Variants in KCNH5 observed in about 807,000 individuals in gnomAD.
KCNH5 encodes voltage-gated delayed rectifier potassium channel KCNH5.
In KCNH5, 46 loss-of-function variants were observed where a neutral mutation model predicts 96.1. That is an observed-to-expected ratio of 0.48 (90% CI 0.38 to 0.61). KCNH5 has a LOEUF of 0.61. Among genes scored for constraint, KCNH5 ranks in the 20% least tolerant of loss-of-function variants. The pLI is 0.00. For missense variants in KCNH5, 907 were observed against 1,225.8 expected (o/e 0.74, Z 3.88); for synonymous variants, 439 against 449.8 (o/e 0.98, Z 0.30).
intron 8 of KCNH5, among the ~76,000 whole-genome samples, chr14:62,814,594 C>A (rs1886936283): frequency 1.3e-5 from 2 of 151,630 alleles, no homozygotes; most frequent in Admixed American, 1.3e-4. Flanking sequence ...ACCAGCCTGG[C>A]CAACATGGCA....
intron 7 of KCNH5, among the ~76,000 whole-genome samples, chr14:62,868,516 G>C (rs1052670462): frequency 1.3e-5 from 2 of 152,036 alleles, no homozygotes; most frequent in African/African-American, 4.8e-5. Flanking sequence ...TTCTGTTTCT[G>C]AGCAATTATC....
At chr14:62,995,141 T>C (rs1011352923) in intron 4 of KCNH5, among the ~76,000 whole-genome samples, 10 of 152,126 alleles carry the variant, frequency 6.6e-5, no homozygotes, top group Middle Eastern at 3.4e-3. Context: ...AGTCTTTCAA[T>C]CATATGTCTA....
At chr14:62,979,194 G>A (rs1890559254) in intron 6 of KCNH5, among the ~76,000 whole-genome samples, 1 of 151,962 alleles carries the variant, frequency 6.6e-6, no homozygotes, top group Admixed American at 6.6e-5. Context: ...GTAATAATCT[G>A]TGTAGTGTGC....
At position 63,045,235 on chromosome 14, in the gene KCNH5, A is replaced by G. The variant is rs998486016; in HGVS notation, c.-49T>C. The G allele has an allele frequency of 7.2e-7, 1 of 1,389,448 alleles. No individual in the cohort carries two copies. The allele number at this position is 1,389,448 out of a possible 1,614,324, so 86.1% of individuals were successfully genotyped here. A position where few individuals can be genotyped will look rare whatever the true frequency, so the allele number is the denominator to read the frequency against. On this transcript the variant is annotated 5_prime_UTR_variant, in exon 1 of 11. Transcript: ENST00000322893. ...AGGATCCGCGGCGGGGGAGGGGGGG[A>G]TGCAGGCAAAGAAGGTGGAGGAAGA...
intron 7 of KCNH5, among the ~76,000 whole-genome samples, chr14:62,857,615 T>A (rs1388702401): frequency 2.0e-5 from 3 of 152,146 alleles, no homozygotes; most frequent in Non-Finnish European, 1.5e-5. Context: ...GCAGGAAGCA[T>A]CCATCATGGG....
At chr14:63,034,162 C>T (rs532533696) in intron 1 of KCNH5, among the ~76,000 whole-genome samples, 2 of 152,276 alleles carry the variant, frequency 1.3e-5, no homozygotes, top group East Asian at 3.9e-4. Flanking sequence ...TCGTGATCCG[C>T]CTGCCTCGGC....
intron 8 of KCNH5, among the ~76,000 whole-genome samples, chr14:62,840,937 C>T (rs113763703): frequency 2.6e-5 from 4 of 152,226 alleles, no homozygotes; most frequent in African/African-American, 9.6e-5. Flanking sequence ...CAACCTGTTG[C>T]TGCCTTCTGC....
chr14:63,011,929 T>C (rs1346095447), intron 2 of KCNH5, among the ~76,000 whole-genome samples: 3 of 152,168 alleles, frequency 2.0e-5, no homozygotes, highest in Admixed American at 6.5e-5. Context: ...GGATAAGGGA[T>C]TGTAAATGGT....
chr14:62,932,470 G>C (rs1260148088), intron 7 of KCNH5, among the ~76,000 whole-genome samples: 8 of 137,666 alleles, frequency 5.8e-5, no homozygotes, highest in African/African-American at 2.2e-4. Flanking sequence ...CTGTAGAAAT[G>C]AGATTAAAAA....
intron 5 of KCNH5, among the ~76,000 whole-genome samples, chr14:62,984,066 T>C (rs1483387809): frequency 6.6e-6 from 1 of 152,224 alleles, no homozygotes; most frequent in Non-Finnish European, 1.5e-5. Flanking sequence ...ATCTTCACTC[T>C]GTTCCTGGGC....
chr14:62,707,311 T>C lies in KCNH5; in HGVS notation c.*197A>G. 2 of 324,492 alleles carry C rather than the reference T, an allele frequency of 6.2e-6. No individual in the cohort carries two copies. The highest frequency in any genetic ancestry group is 1.1e-5 in the Non-Finnish European group (2 of 183,580). 20.1% of individuals were successfully genotyped at this position (324,492 alleles called of 1,614,324 possible). A position where few individuals can be genotyped will look rare whatever the true frequency, so the allele number is the denominator to read the frequency against. ...TGTGCATGCAGTCAACTGCATAATA[T>C]ACAAGCAATATCTATGTTTTTAATC... is the stretch of plus-strand genomic sequence containing the variant. On this transcript the variant is annotated 3_prime_UTR_variant, in exon 11 of 11. Transcript: ENST00000322893.
intron 10 of KCNH5, among the ~76,000 whole-genome samples, chr14:62,735,053 C>T (rs7154700): frequency 0.064 from 9,715 of 152,044 alleles, 855 homozygotes; most frequent in African/African-American, 0.19. Context: ...GATATATATG[C>T]CTTAAAATGG....
At chr14:62,752,417 G>T (rs1885521988) in intron 10 of KCNH5, among the ~76,000 whole-genome samples, 1 of 151,982 alleles carries the variant, frequency 6.6e-6, no homozygotes, top group African/African-American at 2.4e-5. Flanking sequence ...GTCCCAGATT[G>T]CAGGCTTTGG....
chr14:62,776,187 A>C, intron 10 of KCNH5, among the ~76,000 whole-genome samples: 1 of 152,040 alleles, frequency 6.6e-6, no homozygotes, highest in East Asian at 1.9e-4. Context: ...GAATCACTTG[A>C]ACCCAGGAGG....
intron 10 of KCNH5, among the ~76,000 whole-genome samples, chr14:62,727,564 T>G (rs1367409821): frequency 6.6e-6 from 1 of 152,138 alleles, no homozygotes; most frequent in African/African-American, 2.4e-5. Context: ...TGAGGTATAT[T>G]TTCATAAGAA....
intron 8 of KCNH5, among the ~76,000 whole-genome samples, chr14:62,820,165 G>C (rs896021343): frequency 1.3e-5 from 2 of 152,060 alleles, no homozygotes; most frequent in African/African-American, 4.8e-5. Flanking sequence ...AGCTCTGAGG[G>C]GGGTATATAA....
At chr14:62,736,473 T>A (rs545547776) in intron 10 of KCNH5, among the ~76,000 whole-genome samples, 1 of 150,940 alleles carries the variant, frequency 6.6e-6, no homozygotes, top group East Asian at 2.0e-4. Flanking sequence ...AAACCACAAA[T>A]AACATCTCCA....
intron 10 of KCNH5, among the ~76,000 whole-genome samples, chr14:62,773,253 A>C (rs958288837): frequency 3.3e-5 from 5 of 152,352 alleles, no homozygotes; most frequent in Admixed American, 3.3e-4. Context: ...TCATCTCTAA[A>C]GAAAATAAAA....
At chr14:62,964,130 C>T (rs1890262450) in intron 6 of KCNH5, among the ~76,000 whole-genome samples, 2 of 152,010 alleles carry the variant, frequency 1.3e-5, no homozygotes, top group South Asian at 2.1e-4. Context: ...CAGCTCCTTC[C>T]TTTTTTCAGG....
Sources: gnomAD v4.1 joint callset for allele counts (sites outside exome capture counted in the v4.1 genomes callset) on GRCh38, gnomAD v4.1.1 for gene constraint, MANE v1.5 for transcripts, NCBI Gene and HGNC (gene_info 2026-07-23, HGNC 2026-07-21) for gene names.